The following SULF1 variants were observed in gnomAD, a reference collection of about 807,000 sequenced individuals.
The protein encoded by SULF1 is extracellular sulfatase Sulf-1.
Under a neutral mutation model 110.5 loss-of-function variants are expected in SULF1, and 46 were observed. The ratio of observed to expected loss-of-function variants is 0.42; its 90% CI spans 0.33 to 0.53. SULF1 has a LOEUF of 0.53. Ranked by LOEUF, SULF1 falls within the 20% of genes least tolerant of loss-of-function variation. The pLI is 0.12. For missense variants in SULF1, 941 were observed against 1,094.2 expected (o/e 0.86, Z 1.98); for synonymous variants, 371 against 387.1 (o/e 0.96, Z 0.49).
intron 13 of SULF1, among the ~76,000 whole-genome samples, chr8:69,606,149 T>G (rs1001204740): frequency 1.3e-5 from 2 of 152,222 alleles, no homozygotes; most frequent in African/African-American, 4.8e-5. Flanking sequence ...TGAATAGACA[T>G]TCCTAATAAA....
At chr8:69,499,445 A>G (rs1398144987) in intron 2 of SULF1, among the ~76,000 whole-genome samples, 1 of 152,236 alleles carries the variant, frequency 6.6e-6, no homozygotes, top group Non-Finnish European at 1.5e-5. Flanking sequence ...TTTTAACAAA[A>G]GGAATTTCTA....
At chr8:69,499,670 A>T (rs1464207961) in intron 2 of SULF1, among the ~76,000 whole-genome samples, 1 of 152,220 alleles carries the variant, frequency 6.6e-6, no homozygotes, top group Non-Finnish European at 1.5e-5. Context: ...GCATACACAT[A>T]TCAGCAGGAA....
chr8:69,550,703 T>G (rs1177298081), intron 3 of SULF1, among the ~76,000 whole-genome samples: 1 of 152,198 alleles, frequency 6.6e-6, no homozygotes, highest in African/African-American at 2.4e-5. Context: ...ACTGGAAAAC[T>G]AGGGCTCCAA....
intron 22 of SULF1, 59 bp downstream of exon 22, chr8:69,640,900 T>C: frequency 6.5e-7 from 1 of 1,530,830 alleles, no homozygotes; most frequent in Non-Finnish European, 8.9e-7. Context: ...CATGATCCAG[T>C]GGTTTCAACT....
chr8:69,599,220 G>A (rs951948253), intron 8 of SULF1, among the ~76,000 whole-genome samples: 4 of 152,150 alleles, frequency 2.6e-5, no homozygotes. Context: ...ATGGCATGGG[G>A]TCACATTCAG....
At chr8:69,608,326 T>C (rs1365763817) in intron 13 of SULF1, among the ~76,000 whole-genome samples, 1 of 151,644 alleles carries the variant, frequency 6.6e-6, no homozygotes, top group Non-Finnish European at 1.5e-5. Flanking sequence ...ATATTGGGTG[T>C]TATTATTATT....
intron 3 of SULF1, among the ~76,000 whole-genome samples, chr8:69,505,255 T>C (rs1811105596): frequency 6.6e-6 from 1 of 152,154 alleles, no homozygotes; most frequent in Non-Finnish European, 1.5e-5. Flanking sequence ...TCAAAAATGT[T>C]TACACCTATG....
chr8:69,544,637 G>T (rs1341113822), intron 3 of SULF1, among the ~76,000 whole-genome samples: 1 of 152,124 alleles, frequency 6.6e-6, no homozygotes, highest in African/African-American at 2.4e-5. Context: ...TTGCTATTCA[G>T]TGAAGGCAGA....
chr8:69,486,803 C>A (rs1011913924), intron 1 of SULF1, among the ~76,000 whole-genome samples: 2 of 152,168 alleles, frequency 1.3e-5, no homozygotes, highest in African/African-American at 4.8e-5. Context: ...TCCCCCGCCC[C>A]TGCAGAAAAC....
chr8:69,534,096 C>T (rs1447850522), intron 3 of SULF1, among the ~76,000 whole-genome samples: 1 of 152,100 alleles, frequency 6.6e-6, no homozygotes, highest in Non-Finnish European at 1.5e-5. Context: ...TTGCTAATGA[C>T]TTCATTGAGA....
At chr8:69,620,612 G>C (rs1357611164) in intron 13 of SULF1, among the ~76,000 whole-genome samples, 1 of 152,196 alleles carries the variant, frequency 6.6e-6, no homozygotes, top group Non-Finnish European at 1.5e-5. Context: ...GCTCACATTA[G>C]AAATTCAGGA....
At chr8:69,479,235 C>A (rs1809420574) in intron 1 of SULF1, among the ~76,000 whole-genome samples, 1 of 152,182 alleles carries the variant, frequency 6.6e-6, no homozygotes, top group Non-Finnish European at 1.5e-5. Flanking sequence ...CAATTAATTT[C>A]TCTTGAGAGC....
intron 9 of SULF1, 95 bp downstream of exon 9, chr8:69,600,848 T>G: frequency 7.6e-7 from 1 of 1,314,552 alleles, no homozygotes; most frequent in Non-Finnish European, 1.0e-6. Flanking sequence ...TTCCCCTTCA[T>G]TTTCCAGCAT....
chr8:69,608,404 GC>G (rs1808389954), intron 13 of SULF1, among the ~76,000 whole-genome samples: 1 of 152,220 alleles, frequency 6.6e-6, no homozygotes, highest in African/African-American at 2.4e-5. Context: ...CTGAGGCCGG[GC>G]ACGGTGGCTG....
chr8:69,654,271 G>A (rs905309177), intron 22 of SULF1, among the ~76,000 whole-genome samples: 1 of 152,118 alleles, frequency 6.6e-6, no homozygotes, highest in Admixed American at 6.5e-5. Flanking sequence ...TTCCACCTTC[G>A]GAAGAGACAT....
chr8:69,644,219 C>T (rs936331057), intron 22 of SULF1, among the ~76,000 whole-genome samples: 2 of 152,166 alleles, frequency 1.3e-5, no homozygotes, highest in Admixed American at 6.5e-5. Flanking sequence ...TCGTGCTGTA[C>T]GGCACTGTGG....
At chr8:69,555,480 A>G (rs1038172940) in intron 3 of SULF1, among the ~76,000 whole-genome samples, 1 of 152,186 alleles carries the variant, frequency 6.6e-6, no homozygotes, top group African/African-American at 2.4e-5. Context: ...AATATGGTGA[A>G]AGCCCGTCTC....
intron 3 of SULF1, among the ~76,000 whole-genome samples, chr8:69,531,002 C>T (rs1299399424): frequency 1.3e-5 from 2 of 152,288 alleles, no homozygotes; most frequent in African/African-American, 4.8e-5. Context: ...AAAACGATGG[C>T]ATGAGGTGGG....
chr8:69,572,391 AC>A (rs1805297486), intron 5 of SULF1, among the ~76,000 whole-genome samples: 1 of 152,200 alleles, frequency 6.6e-6, no homozygotes. Context: ...ACTAGCACCC[AC>A]CACAAAGGAT....
Sources: allele counts gnomAD v4.1 joint callset (sites outside exome capture counted in the v4.1 genomes callset), GRCh38; gene constraint gnomAD v4.1.1; transcripts MANE v1.5; gene names NCBI Gene and HGNC (gene_info 2026-07-23, HGNC 2026-07-21).